TAPT1: variants seen among roughly 807,000 people sequenced by gnomAD.
TAPT1 encodes transmembrane anterior posterior transformation protein 1 homolog.
Under a neutral mutation model 65.6 loss-of-function variants are expected in TAPT1, and 28 were observed. The ratio of observed to expected loss-of-function variants is 0.43; its 90% confidence interval spans 0.32 to 0.59. TAPT1 has a LOEUF of 0.59. Ranked by LOEUF, TAPT1 falls within the 20% of genes least tolerant of loss-of-function variation. The pLI, the probability that TAPT1 is intolerant of heterozygous loss-of-function variation, is 0.09. For missense variants in TAPT1, 563 were observed against 679.9 expected, an observed-to-expected ratio of 0.83 and a Z score of 1.91; for synonymous variants, 278 against 245.2, an observed-to-expected ratio of 1.13 and a Z score of -1.25.
intron 12 of TAPT1, among the ~76,000 whole-genome samples, chr4:16,169,707 C>G (rs977303925): frequency 6.6e-6 from 1 of 152,218 alleles, no homozygotes; most frequent in African/African-American, 2.4e-5. Context: ...ACTCAGGATA[C>G]TTGGTGGAGA....
chr4:16,166,933 T>A, intron 12 of TAPT1, 140 bp from the exon 13 acceptor site: 1 of 691,036 alleles, frequency 1.4e-6, no homozygotes, highest in Non-Finnish European at 2.3e-6. Flanking sequence ...CTTACACAAA[T>A]CTTGAGTTTT....
chr4:16,174,210 A>T lies in TAPT1; in HGVS notation c.1230T>A (p.Ala410=). The change falls in exon 11 of 14, where the codon GCT becomes GCA. Residue 410 remains alanine (A), a synonymous_variant. Transcript: ENST00000405303. ...TTAAAAAGTATGCACTTACTAAAAC[A>T]GCTAGTGGGAGAGGAATAAAGCCCA... ...RRMGFIPLPL[A]VLLIRVVTSS... 1 of 1,605,092 alleles carries T rather than the reference A, an allele frequency of 6.2e-7. No homozygotes were observed. The highest frequency in any genetic ancestry group is 1.1e-5 in the South Asian group (1 of 88,836).
At chr4:16,221,503 C>T (rs1305508517) in intron 1 of TAPT1, among the ~76,000 whole-genome samples, 1 of 152,084 alleles carries the variant, frequency 6.6e-6, no homozygotes, top group Non-Finnish European at 1.5e-5. Context: ...TCAGAAAAAG[C>T]ATAGTATAAA....
At chr4:16,221,850 G>C (rs1751273348) in intron 1 of TAPT1, among the ~76,000 whole-genome samples, 1 of 152,152 alleles carries the variant, frequency 6.6e-6, no homozygotes, top group Non-Finnish European at 1.5e-5. Context: ...TCTTGTACCA[G>C]GCCAATTAGT....
rs775975071 is a variant in TAPT1 at position 16,202,450 on chromosome 4, T to A, written c.449+12A>T. 1.4e-6 allele frequency: 2 copies of A among 1,422,612 alleles called. No homozygotes were observed. Among genetic ancestry groups the A allele is most frequent in the South Asian group, 1.2e-5 (1 of 80,808 alleles). The allele number at this position is 1,422,612 out of a possible 1,614,324, so 88.1% of individuals were successfully genotyped here. On this transcript the variant is annotated intron_variant, in intron 3 of 13. Coordinates refer to ENST00000405303, the MANE Select transcript of TAPT1 (RefSeq NM_153365.3). ...ACTATACATTTACAATAGTTAACGATCTTAAACTTACCTTAAGCCATAGCA... is the reference window on the plus strand; with the variant it reads ...ACTATACATTTACAATAGTTAACGAACTTAAACTTACCTTAAGCCATAGCA...
rs540472579 is a variant in TAPT1, at chr4:16,194,646, C to T, written c.450-3123G>A. ...ATCATTTGGTATTTCTAAAAATGAACGCAAAAAAAAACTGGACTATTATGA... is the reference window on the plus strand; with the variant it reads ...ATCATTTGGTATTTCTAAAAATGAATGCAAAAAAAAACTGGACTATTATGA... On this transcript the variant is annotated intron_variant, in intron 3 of 13. Coordinates refer to ENST00000405303, the MANE Select transcript of TAPT1 (RefSeq NM_153365.3). Among the ~76,000 whole-genome samples, 24 of 151,694 alleles carry T rather than the reference C, an allele frequency of 1.6e-4. 1 individual carries two copies. Among genetic ancestry groups the T allele is most frequent in the South Asian group, 1.2e-3 (6 of 4,808 alleles).
Position 16,202,546 on chromosome 4 carries a change from G to A in TAPT1, c.365C>T (p.Ala122Val), listed in dbSNP as rs758122967. 2.5e-5 allele frequency: 38 copies of A among 1,547,746 alleles called. No individual in the cohort carries two copies. The South Asian group carries it at 2.5e-4, about 10-fold the overall frequency. ...MVFGIFLCLD[A>V]FLYVFTLLPL... ...AAGCAGGGTGAACACATACAAAAAC[G>A]CATCCAGGCACAGAAAGATTCCAAA... The change falls in exon 3 of 14, where the codon GCG becomes GTG. Residue 122 changes from alanine to valine, a missense_variant. Around this residue, in one of 5 missense-constraint regions of TAPT1, gnomAD observed 217 missense variants for 317.5 expected, o/e 0.68. Transcript: ENST00000405303.
intron 1 of TAPT1, chr4:16,225,768 T>G: frequency 2.1e-6 from 1 of 487,738 alleles, no homozygotes; most frequent in African/African-American, 2.1e-5. Flanking sequence ...CTGAACTTCA[T>G]GGTCACTACC....
intron 1 of TAPT1, among the ~76,000 whole-genome samples, chr4:16,221,184 G>A (rs527268949): frequency 3.0e-4 from 46 of 152,074 alleles, no homozygotes; most frequent in African/African-American, 9.6e-4. Context: ...GCAGTGGCAC[G>A]ATCTCGTCTC....
In TAPT1 at chr4:16,226,471, C is replaced by A. The variant is rs1464331242; in HGVS notation, c.-14G>T. ...GACGCCCGCCATGTTCCGAGCACAA[C>A]AAACTGTCCCCGCCGCCTCCCTCCA... is the stretch of plus-strand genomic sequence containing the variant. On this transcript the variant is annotated 5_prime_UTR_variant, in exon 1 of 14. Coordinates refer to ENST00000405303, the MANE Select transcript of TAPT1 (RefSeq NM_153365.3). 9.5e-7 allele frequency: 1 copy of A among 1,056,346 alleles called. No homozygotes were observed. Among genetic ancestry groups the A allele is most frequent in the South Asian group, 4.4e-5 (1 of 22,828 alleles). 65.4% of individuals were successfully genotyped at this position (1,056,346 alleles called of 1,614,324 possible). A position where few individuals can be genotyped will look rare whatever the true frequency, so the allele number is the denominator to read the frequency against.
intron 12 of TAPT1, among the ~76,000 whole-genome samples, chr4:16,170,164 T>C (rs1747900263): frequency 6.6e-6 from 1 of 152,214 alleles, no homozygotes; most frequent in South Asian, 2.1e-4. Flanking sequence ...TTACTGTATG[T>C]CTCCCCCAAC....
At chr4:16,173,904 C>T (rs1302349627) in intron 11 of TAPT1, among the ~76,000 whole-genome samples, 1 of 152,164 alleles carries the variant, frequency 6.6e-6, no homozygotes, top group Non-Finnish European at 1.5e-5. Context: ...TGACCATGCT[C>T]AGATATTTCC....
At chr4:16,182,088 AT>A (rs1748744502) in intron 7 of TAPT1, among the ~76,000 whole-genome samples, 1 of 152,166 alleles carries the variant, frequency 6.6e-6, no homozygotes, top group African/African-American at 2.4e-5. Flanking sequence ...TTATGTGAAG[AT>A]TTTTTGGAAG....
rs371441120 is a variant in TAPT1, at chr4:16,210,145, AC to A, written c.330+3622del. 1.5e-4 allele frequency among the ~76,000 whole-genome samples: 23 copies of A among 152,190 alleles called. No homozygotes were observed. In the East Asian group the frequency reaches 2.1e-3, roughly 14 times the overall value. The stretch of plus-strand genomic sequence containing the variant: ...GTTCTTCATGAAAGAGATCAGCTTT[AC>A]CCCCAGACAGCCTAGGTAAAAGGAA... On this transcript the variant is annotated intron_variant, in intron 2 of 13. Coordinates refer to ENST00000405303, the MANE Select transcript of TAPT1 (RefSeq NM_153365.3).
At position 16,163,060 on chromosome 4, in the gene TAPT1, G is replaced by A. The variant is rs1212140454; in HGVS notation, c.*248C>T. ...GTCCTGGAAATGATGCTGCTGCTTG[G>A]CCAGGCAGGAGGAAGTTTTATAATC... On this transcript the variant is annotated 3_prime_UTR_variant, in exon 14 of 14. Transcript: ENST00000405303. 3.5e-6 allele frequency: 2 copies of A among 571,322 alleles called. No homozygotes were observed. Among genetic ancestry groups the A allele is most frequent in the East Asian group, 4.1e-5 (1 of 24,628 alleles). The allele number at this position is 571,322 out of a possible 1,614,324, so 35.4% of individuals were successfully genotyped here. A position where few individuals can be genotyped will look rare whatever the true frequency, so the allele number is the denominator to read the frequency against.
rs573878727 is a variant in TAPT1, at chr4:16,202,343, T to C, written c.449+119A>G. ...ATCCATTAAAAAGGTAAACAGTTTA[T>C]GCATGAAGGGCCAAAGTGTGGATGA... On this transcript the variant is annotated intron_variant, in intron 3 of 13. Coordinates refer to ENST00000405303, the MANE Select transcript of TAPT1 (RefSeq NM_153365.3). 7 of 554,958 alleles carry C rather than the reference T, an allele frequency of 1.3e-5. No individual in the cohort carries two copies. The Admixed American group carries it at 1.3e-4, about 11-fold the overall frequency. The allele number at this position is 554,958 out of a possible 1,614,324, so 34.4% of individuals were successfully genotyped here. A position where few individuals can be genotyped will look rare whatever the true frequency, so the allele number is the denominator to read the frequency against.
upstream of TAPT1, chr4:16,226,973 T>C (rs1439950795): frequency 2.2e-6 from 1 of 448,288 alleles, no homozygotes; most frequent in Non-Finnish European, 4.5e-6. Context: ...GCCCGCCAGG[T>C]CTTGGCACTG....
intron 3 of TAPT1, among the ~76,000 whole-genome samples, chr4:16,192,669 C>A (rs541598578): frequency 6.6e-6 from 1 of 152,296 alleles, no homozygotes; most frequent in Non-Finnish European, 1.5e-5. Flanking sequence ...GGGAAAGATA[C>A]GTTCTCTTTG....
rs768516104 is a variant in TAPT1 at position 16,213,917 on chromosome 4, C to G, written c.200-19G>C. On this transcript the variant is annotated intron_variant, in intron 1 of 13. Transcript: ENST00000405303. ...GAAAGCTCTACAGAAAAGAAAATGA[C>G]AGAAAACAAAAAGAACAGTATTTAT... is the stretch of plus-strand genomic sequence containing the variant. 2 of 1,575,970 alleles carry G rather than the reference C, an allele frequency of 1.3e-6. No individual in the cohort carries two copies. The highest frequency in any genetic ancestry group is 4.2e-5 in the Admixed American group (2 of 48,028).
Sources: gnomAD v4.1 joint callset for allele counts (sites outside exome capture counted in the v4.1 genomes callset) on GRCh38, gnomAD v4.1.1 for gene constraint, gnomAD v4.1.1 regional missense constraint, MANE v1.5 for transcripts, NCBI Gene and HGNC (gene_info 2026-07-23, HGNC 2026-07-21) for gene names.